The following PEX1 variants were observed in gnomAD, a reference collection of about 807,000 sequenced individuals.
The protein encoded by PEX1 is peroxisomal ATPase PEX1.
A neutral mutation model predicts 152.5 loss-of-function variants in PEX1; 97 were observed. That is an observed-to-expected ratio of 0.64 (90% CI 0.54 to 0.75). The LOEUF is 0.75. PEX1 is among the 30% of genes least tolerant of loss of function. The probability of loss-of-function intolerance (pLI) is 0.00; values close to 1 mark genes in which losing one functional copy is unlikely to be tolerated. For missense variants in PEX1, 1,357 were observed against 1,516.3 expected (o/e 0.89, Z 1.74); for synonymous variants, 485 against 531.6 (o/e 0.91, Z 1.21).
intron 17 of PEX1, among the ~76,000 whole-genome samples, chr7:92,495,506 G>T (rs763515916): frequency 2.0e-5 from 3 of 152,050 alleles, no homozygotes; most frequent in Non-Finnish European, 4.4e-5. Flanking sequence ...TAAGTTACAG[G>T]ACTACTCAGA....
At chr7:92,493,159 A>T in intron 19 of PEX1, 30 bp from the exon 20 acceptor site, 1 of 1,250,196 alleles carries the variant, frequency 8.0e-7, no homozygotes, top group East Asian at 2.6e-5. Context: ...TTTAACAAAT[A>T]AAAAATAAAA....
intron 1 of PEX1, among the ~76,000 whole-genome samples, chr7:92,527,539 C>T (rs1793336929): frequency 6.6e-6 from 1 of 152,216 alleles, no homozygotes; most frequent in Non-Finnish European, 1.5e-5. Context: ...ATTGCAAACT[C>T]TATTCATTGC....
chr7:92,490,588 T>C (rs1389922872), intron 21 of PEX1, among the ~76,000 whole-genome samples: 1 of 143,332 alleles, frequency 7.0e-6, no homozygotes, highest in Non-Finnish European at 1.5e-5. Flanking sequence ...TGAGCCATAA[T>C]TGTGCCACTG....
In PEX1 at chr7:92,502,058, A is replaced by G. The variant is rs1277206111; in HGVS notation, c.2248T>C (p.Cys750Arg). ...PNQEQRCEIL[C>R]NVIKNKLDCD... Reference sequence around the variant, plus strand: ...TCCAATTTATTTTTTATTACATTACACAGAATTTCACATCTTTGTTCCTAA... The same window carrying G: ...TCCAATTTATTTTTTATTACATTACGCAGAATTTCACATCTTTGTTCCTAA... The change falls in exon 14 of 24, where the codon TGT (cysteine) becomes CGT (arginine). Residue 750 changes from cysteine to arginine, a missense_variant. Cys to Arg is a radical substitution (Grantham distance 180). Coordinates refer to ENST00000248633, the MANE Select transcript of PEX1 (RefSeq NM_000466.3). The G allele has an allele frequency of 1.2e-6, 2 of 1,606,528 alleles. No individual in the cohort carries two copies. Among genetic ancestry groups the G allele is most frequent in the East Asian group, 4.5e-5 (2 of 44,826 alleles).
Position 92,522,243 on chromosome 7 carries a change from A to G in PEX1, c.132T>C (p.Asn44=), listed in dbSNP as rs1793081038. 6.2e-7 allele frequency: 1 copy of G among 1,613,770 alleles called. No individual in the cohort carries two copies. The highest frequency in any genetic ancestry group is 1.3e-5 in the African/African-American group (1 of 74,916). The stretch of plus-strand genomic sequence containing the variant: ...GACTCCAGACCACTTCTATAGCTTG[A>G]TTCTATTCATATAAGAAATGAGAGG... ...RLVAQLHLLQ[N]QAIEVVWSHQ... The change falls in exon 2 of 24, where the codon AAT becomes AAC. Residue 44 remains asparagine (N), a splice_region_variant and synonymous_variant. Transcript: ENST00000248633.
intron 6 of PEX1, 123 bp downstream of exon 6, chr7:92,513,725 A>T (rs895495885): frequency 1.2e-5 from 9 of 726,080 alleles, no homozygotes; most frequent in Admixed American, 2.4e-5. Context: ...TATATAGTTT[A>T]ACACAATAAA....
At chr7:92,520,756 G>A (rs1793013573) in intron 2 of PEX1, among the ~76,000 whole-genome samples, 1 of 152,150 alleles carries the variant, frequency 6.6e-6, no homozygotes, top group Non-Finnish European at 1.5e-5. Flanking sequence ...CAGAGAGAGA[G>A]AGAAAGAGAG....
chr7:92,516,057 A>G (rs1439602708), intron 5 of PEX1, among the ~76,000 whole-genome samples: 12,773 of 76,184 alleles, frequency 0.17, 710 homozygotes, highest in Middle Eastern at 0.25. Context: ...AGAAGAGAAA[A>G]AAGAAAAGAA....
At chr7:92,526,310 C>T (rs1395183850) in intron 1 of PEX1, among the ~76,000 whole-genome samples, 1 of 152,206 alleles carries the variant, frequency 6.6e-6, no homozygotes, top group Non-Finnish European at 1.5e-5. Flanking sequence ...TTGATCAGAA[C>T]ATCTGTATTC....
chr7:92,495,973 G>T (rs1478085753), intron 17 of PEX1, among the ~76,000 whole-genome samples: 1 of 151,976 alleles, frequency 6.6e-6, no homozygotes, highest in African/African-American at 2.4e-5. Context: ...TTAATGGATA[G>T]TATTTTCATT....
chr7:92,496,695 C>T lies in PEX1; in HGVS notation c.2783+18G>A. 2 of 1,549,218 alleles carry T rather than the reference C, an allele frequency of 1.3e-6. No individual in the cohort carries two copies. Among genetic ancestry groups the T allele is most frequent in the Middle Eastern group, 1.7e-4 (1 of 5,910 alleles). On this transcript the variant is annotated intron_variant, in intron 17 of 23. Transcript: ENST00000248633. ...ATAACAGAGTCAGTTACTTTAAAAA[C>T]ATTCATAGGCTACCAACCTAATAAA...
In PEX1 at chr7:92,507,066, G is replaced by C. The variant is rs2116181294; in HGVS notation, c.1731C>G (p.Arg577=). Residue 577 remains arginine (R), a synonymous_variant, in exon 10 of 24, where the codon CGC becomes CGG. Coordinates refer to ENST00000248633, the MANE Select transcript of PEX1 (RefSeq NM_000466.3). The part of the protein sequence containing the change: ...LEHITHSLLG[R]PLSRQLMSLV... ...GAGACATCAGCTGCCGAGACAAAGG[G>C]CGTCCCAGGAGGCTGTGAGTGATGT... 2.5e-6 allele frequency: 4 copies of C among 1,613,938 alleles called. No individual in the cohort carries two copies. The South Asian group carries it at 4.4e-5, about 18-fold the overall frequency.
intron 23 of PEX1, among the ~76,000 whole-genome samples, chr7:92,487,745 G>A (rs1386116124): frequency 6.6e-6 from 1 of 152,016 alleles, no homozygotes; most frequent in Non-Finnish European, 1.5e-5. Context: ...AGGGGATGAA[G>A]AGACAAGTTA....
chr7:92,524,629 G>A (rs1229007016), intron 1 of PEX1, among the ~76,000 whole-genome samples: 2 of 152,118 alleles, frequency 1.3e-5, no homozygotes, highest in East Asian at 1.9e-4. Flanking sequence ...ACAATATAAC[G>A]TACTGGAAAT....
chr7:92,522,019 CA>C (rs1793070748), intron 2 of PEX1, 82 bp downstream of exon 2: 1 of 1,455,256 alleles, frequency 6.9e-7, no homozygotes, highest in Non-Finnish European at 9.6e-7. Context: ...CCTCCTTTAA[CA>C]AAAAATCTAA....
At position 92,491,263 on chromosome 7, in the gene PEX1, A is replaced by G. The variant is rs2116057274; in HGVS notation, c.3438+9T>C. On this transcript the variant is annotated intron_variant, in intron 21 of 23. Transcript: ENST00000248633. ...TTCAGAACTGTATAATGATGACTGC[A>G]CAAGATACCAAATCAGAAGAGGTTC... 6.4e-7 allele frequency: 1 copy of G among 1,550,848 alleles called. No homozygotes were observed. Among genetic ancestry groups the G allele is most frequent in the South Asian group, 1.1e-5 (1 of 89,864 alleles).
intron 2 of PEX1, among the ~76,000 whole-genome samples, chr7:92,521,621 GA>G (rs1190793155): frequency 1.3e-5 from 2 of 151,798 alleles, no homozygotes; most frequent in East Asian, 2.0e-4. Flanking sequence ...TTTTAGTAGA[GA>G]GGGGGGGTTT....
At chr7:92,495,849 T>A (rs1791630157) in intron 17 of PEX1, among the ~76,000 whole-genome samples, 1 of 152,126 alleles carries the variant, frequency 6.6e-6, no homozygotes, top group Admixed American at 6.5e-5. Context: ...TATCTATAAT[T>A]TTCCTAATTT....
rs1023263890 is a variant in PEX1 at position 92,510,977 on chromosome 7, C to T, written c.1554G>A (p.Leu518=). 10 of 1,574,758 alleles carry T rather than the reference C, an allele frequency of 6.4e-6. No individual in the cohort carries two copies. Among genetic ancestry groups the T allele is most frequent in the African/African-American group, 1.3e-5 (1 of 74,120 alleles). ...EKEKDKNIFL[L]SPNLLQKTTI... is the part of the protein sequence containing the mutation. Reference sequence around the variant, plus strand: ...TAGTCTTCTGCAGCAAATTGGGACTCAACAGAAAAATATTTTTATCTTTTT... The same window carrying T: ...TAGTCTTCTGCAGCAAATTGGGACTTAACAGAAAAATATTTTTATCTTTTT... Residue 518 remains leucine, a synonymous_variant, in exon 8 of 24, where the codon TTG becomes TTA. Transcript: ENST00000248633.
Sources: allele counts gnomAD v4.1 joint callset (sites outside exome capture counted in the v4.1 genomes callset), GRCh38; gene constraint gnomAD v4.1.1; transcripts MANE v1.5; gene names NCBI Gene and HGNC (gene_info 2026-07-23, HGNC 2026-07-21).